Variants in MICAL2 observed in about 807,000 individuals in gnomAD.
The protein encoded by MICAL2 is [F-actin]-monooxygenase MICAL2.
A neutral mutation model predicts 127.3 loss-of-function variants in MICAL2; 77 were observed. The ratio of observed to expected loss-of-function variants is 0.60; its 90% CI spans 0.50 to 0.73. MICAL2 has a LOEUF of 0.73. MICAL2 is among the 30% of genes least tolerant of loss of function. The pLI is 0.00. For missense variants in MICAL2, 1,351 were observed against 1,434.4 expected, an observed-to-expected ratio of 0.94 and a Z score of 0.94; for synonymous variants, 570 against 551.1, an observed-to-expected ratio of 1.03 and a Z score of -0.48.
chr11:12,223,635 G>A (rs1408186991), intron 12 of MICAL2, 134 bp downstream of exon 12: 1 of 712,164 alleles, frequency 1.4e-6, no homozygotes, highest in Non-Finnish European at 2.4e-6. Flanking sequence ...GTCATGGGCA[G>A]GCACCTGTCC....
intron 2 of MICAL2, among the ~76,000 whole-genome samples, chr11:12,145,008 C>A (rs1425061412): frequency 6.6e-6 from 1 of 152,190 alleles, no homozygotes; most frequent in African/African-American, 2.4e-5. Flanking sequence ...AGCATATTTT[C>A]CGTGGGCAGA....
At chr11:12,359,954 G>A (rs774412486), downstream of MICAL2, among the ~76,000 whole-genome samples, 21 of 152,174 alleles carry the variant, frequency 1.4e-4, no homozygotes, top group South Asian at 4.2e-4. Flanking sequence ...CTCTCTGCAC[G>A]CACCAATCTG....
exon 30 of MICAL2, chr11:12,319,734 G>T (rs764235794): frequency 5.6e-6 from 9 of 1,614,068 alleles, no homozygotes; most frequent in Non-Finnish European, 7.6e-6. Flanking sequence ...GGTAACAGAG[G>T]CTTCCTCTTC....
rs78115501 is a variant in MICAL2 at position 12,113,580 on chromosome 11, G to A, written c.-149+2854G>A. 4.6e-3 allele frequency among the ~76,000 whole-genome samples: 701 copies of A among 152,324 alleles called. 2 individuals carry two copies. The highest frequency in any genetic ancestry group is 0.016 in the African/African-American group (664 of 41,558). ...CCGCGGTTTCACCTTTCGAGGTTTC[G>A]GTTACAGTCAGCCATGGTCTGAAAA... On this transcript the variant is annotated intron_variant, in intron 1 of 27. Transcript: ENST00000683283.
intron 1 of MICAL2, among the ~76,000 whole-genome samples, chr11:12,278,403 G>A (rs1433217337): frequency 1.3e-5 from 2 of 152,112 alleles, no homozygotes; most frequent in African/African-American, 4.8e-5. Context: ...CTGCAAACAC[G>A]TGAGTGACAC....
intron 3 of MICAL2, among the ~76,000 whole-genome samples, chr11:12,164,672 A>T (rs1431907744): frequency 3.3e-5 from 5 of 152,166 alleles, no homozygotes; most frequent in Non-Finnish European, 5.9e-5. Flanking sequence ...TTCCAGGTCA[A>T]TATTGAAAAA....
At chr11:12,143,720 T>C (rs1327161563) in intron 2 of MICAL2, among the ~76,000 whole-genome samples, 1 of 152,206 alleles carries the variant, frequency 6.6e-6, no homozygotes, top group African/African-American at 2.4e-5. Flanking sequence ...AGGGATCATT[T>C]TGCATTCCAG....
chr11:12,156,791 C>T (rs575939310), intron 2 of MICAL2, among the ~76,000 whole-genome samples: 9 of 152,324 alleles, frequency 5.9e-5, no homozygotes, highest in Non-Finnish European at 1.2e-4. Context: ...GCTCCTGCCT[C>T]ATCTCAGGTG....
At chr11:12,184,793 C>A in intron 3 of MICAL2, among the ~76,000 whole-genome samples, 1 of 151,862 alleles carries the variant, frequency 6.6e-6, no homozygotes, top group Admixed American at 6.5e-5. Flanking sequence ...TGTCTAGCTT[C>A]AGGTGTTGGT....
intron 2 of MICAL2, among the ~76,000 whole-genome samples, chr11:12,140,067 T>C (rs1417675860): frequency 2.0e-5 from 3 of 152,136 alleles, no homozygotes; most frequent in Non-Finnish European, 2.9e-5. Context: ...TTCATCTCCA[T>C]TGGCAGGGTG....
intron 16 of MICAL2, among the ~76,000 whole-genome samples, chr11:12,237,424 T>C (rs1403091837): frequency 6.6e-6 from 1 of 152,168 alleles, no homozygotes; most frequent in Non-Finnish European, 1.5e-5. Context: ...CACATTCCAT[T>C]TCCCAGATTA....
At chr11:12,255,873 G>A (rs1862265325) in intron 23 of MICAL2, 123 bp downstream of exon 23, 2 of 711,248 alleles carry the variant, frequency 2.8e-6, no homozygotes, top group South Asian at 1.9e-5. Flanking sequence ...GGAACAAGAG[G>A]GGGCTGAGAA....
downstream of MICAL2, among the ~76,000 whole-genome samples, chr11:12,359,400 C>T (rs1389552): frequency 0.86 from 129,576 of 151,536 alleles, 55,800 homozygotes; most frequent in East Asian, 0.93. Flanking sequence ...AGGTTGGTGC[C>T]GCTACTGAAA....
At chr11:12,276,133 C>T in exon 1 of MICAL2, 1 of 399,230 alleles carries the variant, frequency 2.5e-6, no homozygotes, top group African/African-American at 2.1e-5. Context: ...GATGTGCTGG[C>T]TGTGCGTGTC....
chr11:12,328,680 G>C (rs1324738851), intron 32 of MICAL2, among the ~76,000 whole-genome samples: 2 of 152,138 alleles, frequency 1.3e-5, no homozygotes, highest in Non-Finnish European at 2.9e-5. Context: ...TCAGCCTTCA[G>C]CATTTGAGAT....
chr11:12,357,999 G>C (rs1939154717), intron 34 of MICAL2, among the ~76,000 whole-genome samples: 1 of 152,244 alleles, frequency 6.6e-6, no homozygotes, highest in East Asian at 1.9e-4. Flanking sequence ...TGGGGCAGAG[G>C]GAAGGTTGGG....
intron 26 of MICAL2, chr11:12,260,108 CTG>C (rs1302416439): frequency 1.3e-6 from 2 of 1,536,040 alleles, no homozygotes; most frequent in Non-Finnish European, 1.7e-6. Flanking sequence ...TACAGGGAAT[CTG>C]AGGGCTCCCT....
chr11:12,191,886 G>A (rs1012821022), intron 3 of MICAL2, among the ~76,000 whole-genome samples: 10 of 152,186 alleles, frequency 6.6e-5, no homozygotes, highest in African/African-American at 2.4e-4. Context: ...CAGGGAGTGG[G>A]ATGTTTGAGC....
intron 29 of MICAL2, among the ~76,000 whole-genome samples, chr11:12,318,240 T>C (rs1186064878): frequency 6.6e-6 from 1 of 152,184 alleles, no homozygotes; most frequent in Non-Finnish European, 1.5e-5. Flanking sequence ...GGAGGTAAAA[T>C]TATTTCCTCA....
Sources: gnomAD v4.1 joint callset for allele counts (sites outside exome capture counted in the v4.1 genomes callset) on GRCh38, gnomAD v4.1.1 for gene constraint, MANE v1.5 for transcripts, NCBI Gene and HGNC (gene_info 2026-07-23, HGNC 2026-07-21) for gene names.